Variants in CABIN1 observed in about 807,000 individuals in gnomAD.
CABIN1 encodes the protein calcineurin-binding protein cabin-1.
A neutral mutation model predicts 227.7 loss-of-function variants in CABIN1; 133 were observed. That is an observed-to-expected ratio of 0.58 (90% CI 0.51 to 0.67). The LOEUF is 0.67. CABIN1 is among the 30% of genes least tolerant of loss of function. The pLI, the probability that CABIN1 is intolerant of heterozygous loss-of-function variation, is 0.00. For missense variants in CABIN1, 2,408 were observed against 2,852.5 expected, an observed-to-expected ratio of 0.84 and a Z score of 3.55; for synonymous variants, 1,086 against 1,155.1, an observed-to-expected ratio of 0.94 and a Z score of 1.21.
At chr22:24,129,962 T>A (rs1272872873) in intron 28 of CABIN1, among the ~76,000 whole-genome samples, 1 of 152,212 alleles carries the variant, frequency 6.6e-6, no homozygotes, top group African/African-American at 2.4e-5. Context: ...GCAGAGGAGT[T>A]AGATGTCCCC....
At chr22:24,047,266 C>T (rs1055596960) in intron 6 of CABIN1, among the ~76,000 whole-genome samples, 1 of 152,182 alleles carries the variant, frequency 6.6e-6, no homozygotes, top group Admixed American at 6.5e-5. Flanking sequence ...CTCTCAGTGG[C>T]ATTTTATGTA....
intron 29 of CABIN1, among the ~76,000 whole-genome samples, chr22:24,161,869 C>G (rs1602426281): frequency 6.6e-6 from 1 of 152,110 alleles, no homozygotes; most frequent in South Asian, 2.1e-4. Context: ...TCCCTTGTAC[C>G]TGTCCCACTC....
At chr22:24,143,766 C>T (rs376678806) in intron 29 of CABIN1, among the ~76,000 whole-genome samples, 8 of 152,144 alleles carry the variant, frequency 5.3e-5, no homozygotes, top group African/African-American at 9.7e-5. Context: ...ATTGTACAGA[C>T]GGGGAAGTTG....
intron 24 of CABIN1, among the ~76,000 whole-genome samples, chr22:24,093,666 TG>T (rs1186867897): frequency 9.3e-4 from 142 of 152,182 alleles, no homozygotes; most frequent in Admixed American, 9.2e-3. Context: ...GATATAGAGC[TG>T]GGGATCTCAG....
chr22:24,087,372 G>C, intron 22 of CABIN1, 80 bp from the exon 23 acceptor site: 1 of 1,579,436 alleles, frequency 6.3e-7, no homozygotes, highest in Non-Finnish European at 8.6e-7. Flanking sequence ...GGGTCCATCT[G>C]CCTGTCCACT....
intron 19 of CABIN1, among the ~76,000 whole-genome samples, chr22:24,078,577 CTTGAG>C (rs762361559): frequency 3.9e-5 from 6 of 152,096 alleles, no homozygotes; most frequent in African/African-American, 7.2e-5. Flanking sequence ...CTCTTCTTTT[CTTGAG>C]TTATTTCTTT....
chr22:24,138,058 G>A (rs372793880), intron 29 of CABIN1, among the ~76,000 whole-genome samples: 28 of 152,274 alleles, frequency 1.8e-4, no homozygotes, highest in East Asian at 1.4e-3. Flanking sequence ...CACTGTCCTG[G>A]GCCATCCACA....
chr22:24,047,201 C>G (rs1469799557), intron 6 of CABIN1, among the ~76,000 whole-genome samples: 1 of 152,090 alleles, frequency 6.6e-6, no homozygotes, highest in Non-Finnish European at 1.5e-5. Context: ...TGTGAGAGCC[C>G]TGATAGATTT....
At chr22:24,015,960 G>A (rs2035250740) in intron 1 of CABIN1, among the ~76,000 whole-genome samples, 1 of 152,116 alleles carries the variant, frequency 6.6e-6, no homozygotes, top group Admixed American at 6.5e-5. Flanking sequence ...CCGGTCTCAA[G>A]AAAACACAAA....
rs574141420 is a variant in CABIN1, at chr22:24,118,724, C to T, written c.4301-643C>T. Among the ~76,000 whole-genome samples the T allele has an allele frequency of 7.2e-5, 11 of 152,358 alleles. No homozygotes were observed. In the East Asian group the frequency reaches 1.2e-3, roughly 16 times the overall value. ...ACCTCAGGGTCTAGCCCAAGGTCAT[C>T]CAGGCCACTGTCATCATCCTGGGGC... On this transcript the variant is annotated intron_variant, in intron 27 of 36. Coordinates refer to ENST00000263119, the MANE Select transcript of CABIN1 (RefSeq NM_012295.4).
At chr22:24,054,742 C>G (rs1344046486) in intron 8 of CABIN1, 131 bp from the exon 9 acceptor site, 20 of 1,116,328 alleles carry the variant, frequency 1.8e-5, no homozygotes, top group Non-Finnish European at 2.6e-5. Context: ...TTGATCACCT[C>G]CCCCACCCCC....
Position 24,074,731 on chromosome 22 carries a change from C to T in CABIN1, c.2633-1438C>T, listed in dbSNP as rs1052247753. Reference sequence around the variant, plus strand: ...ACTAAGACAGGGTTTATAAGGAAGGCGGAGGAAGCAGAATTGGGCTTTTGA... The same window carrying T: ...ACTAAGACAGGGTTTATAAGGAAGGTGGAGGAAGCAGAATTGGGCTTTTGA... On this transcript the variant is annotated intron_variant, in intron 18 of 36. Transcript: ENST00000263119. Among the ~76,000 whole-genome samples the T allele has an allele frequency of 1.1e-4, 16 of 152,018 alleles. No homozygotes were observed. In the East Asian group the frequency reaches 1.7e-3, roughly 16 times the overall value.
In CABIN1 at chr22:24,164,396, A is replaced by G. The variant is rs1231830245; in HGVS notation, c.4747-4A>G. On this transcript the variant is annotated splice_polypyrimidine_tract_variant and splice_region_variant and intron_variant, in intron 29 of 36. Transcript: ENST00000263119. The stretch of plus-strand genomic sequence containing the variant: ...CTCACACACCTGTGCCATCCATCCC[A>G]CAGGGCATCTGGCGGATCCCCGTGG... 1.1e-5 allele frequency: 18 copies of G among 1,602,258 alleles called. No homozygotes were observed. Among genetic ancestry groups the G allele is most frequent in the Non-Finnish European group, 1.5e-5 (18 of 1,179,900 alleles).
At chr22:24,080,947 AG>A (rs1359066112) in intron 19 of CABIN1, among the ~76,000 whole-genome samples, 2 of 151,754 alleles carry the variant, frequency 1.3e-5, no homozygotes, top group Non-Finnish European at 2.9e-5. Flanking sequence ...ACTCTTTGCC[AG>A]GGGTCACCAA....
At chr22:24,145,083 T>C in intron 29 of CABIN1, among the ~76,000 whole-genome samples, 1 of 152,180 alleles carries the variant, frequency 6.6e-6, no homozygotes, top group East Asian at 1.9e-4. Flanking sequence ...GCACAGACAG[T>C]GCCACATGCA....
chr22:24,127,417 A>G (rs1198076685), intron 28 of CABIN1, among the ~76,000 whole-genome samples: 4 of 152,232 alleles, frequency 2.6e-5, no homozygotes, highest in African/African-American at 9.6e-5. Flanking sequence ...ATGTGTCCAC[A>G]CAGGTGGAGA....
chr22:24,022,997 C>A (rs2035832058), intron 1 of CABIN1, among the ~76,000 whole-genome samples: 1 of 152,176 alleles, frequency 6.6e-6, no homozygotes, highest in Admixed American at 6.5e-5. Context: ...ACATTCACAA[C>A]ATTGTATAAC....
At chr22:24,151,536 G>A (rs760507930) in intron 29 of CABIN1, among the ~76,000 whole-genome samples, 12 of 152,146 alleles carry the variant, frequency 7.9e-5, no homozygotes, top group Non-Finnish European at 1.5e-4. Context: ...AACAGAAGCA[G>A]CTCAGCAGTC....
intron 29 of CABIN1, among the ~76,000 whole-genome samples, chr22:24,137,498 C>T (rs1296014212): frequency 6.6e-6 from 1 of 152,244 alleles, no homozygotes; most frequent in Non-Finnish European, 1.5e-5. Context: ...GCCATCCCTG[C>T]ACCTGGAAGC....
Sources: gnomAD v4.1 joint callset for allele counts (sites outside exome capture counted in the v4.1 genomes callset) on GRCh38, gnomAD v4.1.1 for gene constraint, MANE v1.5 for transcripts, NCBI Gene and HGNC (gene_info 2026-07-23, HGNC 2026-07-21) for gene names.